PAWR: variants seen among roughly 807,000 people sequenced by gnomAD.
The protein encoded by PAWR is PRKC apoptosis WT1 regulator protein.
In PAWR, 23 loss-of-function variants were observed where a neutral mutation model predicts 32.0. The observed-to-expected ratio is 0.72, with a 90% CI of 0.52 to 1.02. The LOEUF (loss-of-function observed/expected upper bound fraction) is 1.02. PAWR is among the 50% of genes least tolerant of loss of function. PAWR has a pLI of 0.00. For missense variants in PAWR, 457 were observed against 437.7 expected (o/e 1.04, Z -0.39); for synonymous variants, 226 against 187.1 (o/e 1.21, Z -1.70).
chr12:79,662,799 T>C (rs568061948), intron 2 of PAWR, among the ~76,000 whole-genome samples: 14 of 152,320 alleles, frequency 9.2e-5, no homozygotes, highest in African/African-American at 3.4e-4. Flanking sequence ...TAAGCACTCT[T>C]AGCACTTGGC....
intron 4 of PAWR, among the ~76,000 whole-genome samples, chr12:79,603,015 G>A (rs1565998259): frequency 6.6e-6 from 1 of 152,138 alleles, no homozygotes; most frequent in Non-Finnish European, 1.5e-5. Flanking sequence ...GCCAAGGCAG[G>A]AGGACTGCTT....
intron 2 of PAWR, among the ~76,000 whole-genome samples, chr12:79,646,290 C>T (rs1033149337): frequency 3.3e-5 from 5 of 152,048 alleles, no homozygotes; most frequent in South Asian, 2.1e-4. Context: ...ACTCCTGCCC[C>T]GTATGCCACC....
chr12:79,660,298 C>A lies in PAWR; in HGVS notation c.516+29431G>T, dbSNP rs192763155. Among the ~76,000 whole-genome samples, 364 of 152,274 alleles carry A rather than the reference C, an allele frequency of 2.4e-3. 2 individuals carry two copies. The highest frequency in any genetic ancestry group is 4.3e-3 in the Non-Finnish European group (293 of 68,022). On this transcript the variant is annotated intron_variant, in intron 2 of 6. Coordinates refer to ENST00000328827, the MANE Select transcript of PAWR (RefSeq NM_002583.4). ...TCTTCATAGTGGCACTGACAGGAAT[C>A]TCCTCCTTCCCCAATAAACTGAAAA...
chr12:79,613,972 TATATATA>T (rs1566002619), intron 3 of PAWR, among the ~76,000 whole-genome samples: 11 of 10,306 alleles, frequency 1.1e-3, no homozygotes, highest in African/African-American at 4.3e-3. Context: ...TATATATATA[TATATATA>T]TTTTTTTTTT....
At chr12:79,624,366 A>G (rs1875176501) in intron 2 of PAWR, among the ~76,000 whole-genome samples, 1 of 152,220 alleles carries the variant, frequency 6.6e-6, no homozygotes, top group Admixed American at 6.5e-5. Context: ...AATGTTTCAT[A>G]AAACAATGAA....
intron 2 of PAWR, among the ~76,000 whole-genome samples, chr12:79,639,777 A>G (rs1170265321): frequency 7.0e-6 from 1 of 142,048 alleles, no homozygotes; most frequent in Admixed American, 6.7e-5. Context: ...TAAGTACTTA[A>G]GAATATCAAG....
intron 4 of PAWR, among the ~76,000 whole-genome samples, chr12:79,606,203 C>T (rs1191983364): frequency 1.3e-5 from 2 of 152,012 alleles, no homozygotes; most frequent in African/African-American, 4.8e-5. Flanking sequence ...GACCTAGGGG[C>T]AGAGGAAGAA....
rs149334639 is a variant in PAWR at position 79,688,935 on chromosome 12, C to G, written c.516+794G>C. Among the ~76,000 whole-genome samples the G allele has an allele frequency of 3.1e-3, 471 of 152,290 alleles. 5 individuals carry two copies. Among genetic ancestry groups the G allele is most frequent in the African/African-American group, 0.011 (439 of 41,556 alleles). ...TGGTAGAGGGAGGTGTGATTATACA[C>G]TTAGTAAAAATGTTTTACCAGTCAC... On this transcript the variant is annotated intron_variant, in intron 2 of 6. Transcript: ENST00000328827.
At chr12:79,603,648 T>A (rs1262858308) in intron 4 of PAWR, 1 of 149,186 alleles carries the variant, frequency 6.7e-6, no homozygotes, top group Non-Finnish European at 1.5e-5. Flanking sequence ...TGTCAATACA[T>A]AAACGGCATC....
chr12:79,620,897 G>T (rs1874972535), intron 3 of PAWR, among the ~76,000 whole-genome samples, 179 bp downstream of exon 3: 1 of 152,184 alleles, frequency 6.6e-6, no homozygotes, highest in African/African-American at 2.4e-5. Flanking sequence ...AGGGTGAAGA[G>T]AGTGTTCATG....
intron 2 of PAWR, among the ~76,000 whole-genome samples, chr12:79,643,375 A>C (rs1470918799): frequency 6.6e-6 from 1 of 152,166 alleles, no homozygotes; most frequent in African/African-American, 2.4e-5. Flanking sequence ...AAGGTACAAC[A>C]CAAACTTCTT....
intron 4 of PAWR, among the ~76,000 whole-genome samples, chr12:79,607,746 T>A (rs200586421): frequency 0.27 from 37,875 of 138,516 alleles, 10,843 homozygotes; most frequent in African/African-American, 0.71. Flanking sequence ...AAAAAAAAAA[T>A]AATAATAATA....
chr12:79,609,314 A>C (rs1874331832), intron 4 of PAWR, among the ~76,000 whole-genome samples: 1 of 152,192 alleles, frequency 6.6e-6, no homozygotes, highest in South Asian at 2.1e-4. Flanking sequence ...ACGAAATGTG[A>C]GAAAGAAGAT....
At chr12:79,662,983 TTTTAA>T (rs1270198132) in intron 2 of PAWR, among the ~76,000 whole-genome samples, 12 of 152,300 alleles carry the variant, frequency 7.9e-5, no homozygotes, top group South Asian at 2.1e-4. Flanking sequence ...GAGTAAATGC[TTTTAA>T]TTTATTTAAT....
chr12:79,689,690 G>A, intron 2 of PAWR, 39 bp downstream of exon 2: 2 of 1,525,558 alleles, frequency 1.3e-6, no homozygotes, highest in South Asian at 2.4e-5. Context: ...GCAGCTGCCC[G>A]CCCCGGCCCG....
intron 2 of PAWR, among the ~76,000 whole-genome samples, chr12:79,661,993 GAT>G (rs1276373964): frequency 1.3e-5 from 2 of 152,056 alleles, no homozygotes; most frequent in Non-Finnish European, 2.9e-5. Flanking sequence ...CATACCCAAA[GAT>G]AGTATTTTCA....
intron 2 of PAWR, among the ~76,000 whole-genome samples, chr12:79,649,774 G>A (rs577867757): frequency 1.3e-5 from 2 of 152,118 alleles, no homozygotes; most frequent in Non-Finnish European, 2.9e-5. Flanking sequence ...TGGTGACAGG[G>A]TGAGACCTAG....
At chr12:79,639,832 C>T (rs12424773) in intron 2 of PAWR, among the ~76,000 whole-genome samples, 67,683 of 124,806 alleles carry the variant, frequency 0.54, 19,598 homozygotes, top group Non-Finnish European at 0.66. Flanking sequence ...TTTTCCTTTT[C>T]CATTCCTATT....
intron 2 of PAWR, among the ~76,000 whole-genome samples, chr12:79,659,522 G>A (rs1877250939): frequency 6.6e-6 from 1 of 152,100 alleles, no homozygotes; most frequent in Non-Finnish European, 1.5e-5. Context: ...CATGACTAGA[G>A]AAAGCCCATT....
Sources: allele counts gnomAD v4.1 joint callset (sites outside exome capture counted in the v4.1 genomes callset), GRCh38; gene constraint gnomAD v4.1.1; transcripts MANE v1.5; gene names NCBI Gene and HGNC (gene_info 2026-07-23, HGNC 2026-07-21).